TENM3: variants seen among roughly 807,000 people sequenced by gnomAD.
The protein encoded by TENM3 is teneurin transmembrane protein 3.
TENM3 carries 63 observed loss-of-function variants against 255.1 expected under a neutral mutation model. That is an observed-to-expected ratio of 0.25 (90% confidence interval 0.20 to 0.30). The LOEUF (loss-of-function observed/expected upper bound fraction) is 0.30. TENM3 is among the 10% of genes least tolerant of loss of function. The pLI, the probability that TENM3 is intolerant of heterozygous loss-of-function variation, is 1.00. For missense variants in TENM3, 2,929 were observed against 3,461.1 expected (o/e 0.85, Z 3.86); for synonymous variants, 1,306 against 1,322.3 (o/e 0.99, Z 0.27).
chr4:182,138,461 C>T, the TENM3 span, among the ~76,000 whole-genome samples: 19 of 152,326 alleles, frequency 1.2e-4, no homozygotes, highest in South Asian at 2.1e-4. Flanking sequence ...CTCTGCGCTT[C>T]AGTTGCAACA....
chr4:182,597,253 A>T (rs889528194), intron 3 of TENM3, among the ~76,000 whole-genome samples: 3 of 152,048 alleles, frequency 2.0e-5, no homozygotes, highest in South Asian at 2.1e-4. Flanking sequence ...ATTATATTTT[A>T]AAAAAATTAG....
chr4:181,457,049 G>A, the TENM3 span, among the ~76,000 whole-genome samples: 2 of 151,776 alleles, frequency 1.3e-5, no homozygotes, highest in Non-Finnish European at 2.9e-5. Flanking sequence ...GTCTCTAAAA[G>A]TATTGGAGTT....
intron 4 of TENM3, among the ~76,000 whole-genome samples, chr4:182,614,771 ACTTTCT>A (rs920175516): frequency 5.9e-5 from 9 of 152,014 alleles, no homozygotes; most frequent in African/African-American, 2.2e-4. Flanking sequence ...GAAAGAAAAC[ACTTTCT>A]CTTTAACTCT....
the TENM3 span, among the ~76,000 whole-genome samples, chr4:181,751,162 A>T: frequency 2.0e-5 from 3 of 152,110 alleles, no homozygotes; most frequent in Admixed American, 6.6e-5. Flanking sequence ...TATTTTGTTA[A>T]AATCTCCATG....
At chr4:181,620,797 G>T in the TENM3 span, among the ~76,000 whole-genome samples, 2 of 152,138 alleles carry the variant, frequency 1.3e-5, no homozygotes, top group African/African-American at 2.4e-5. Flanking sequence ...AGGAATGTGT[G>T]CCTGGGACAT....
At chr4:182,054,404 C>T in the TENM3 span, among the ~76,000 whole-genome samples, 1 of 152,240 alleles carries the variant, frequency 6.6e-6, no homozygotes, top group Non-Finnish European at 1.5e-5. Flanking sequence ...TTACGTGAAA[C>T]AAATAACTTG....
the TENM3 span, among the ~76,000 whole-genome samples, chr4:182,070,412 A>G: frequency 6.6e-6 from 1 of 152,192 alleles, no homozygotes; most frequent in Admixed American, 6.5e-5. Context: ...CGAGGTCGGG[A>G]GTTCAAGACC....
the TENM3 span, among the ~76,000 whole-genome samples, chr4:182,133,605 G>A: frequency 6.6e-6 from 1 of 152,010 alleles, no homozygotes; most frequent in East Asian, 1.9e-4. Context: ...AAAATACATA[G>A]AAAATGCCAT....
At chr4:181,538,628 A>G in the TENM3 span, among the ~76,000 whole-genome samples, 1 of 152,182 alleles carries the variant, frequency 6.6e-6, no homozygotes, top group South Asian at 2.1e-4. Context: ...GCAGGTGTCC[A>G]GAACTCCAGG....
intron 11 of TENM3, 111 bp downstream of exon 11, chr4:182,682,125 G>A: frequency 3.7e-6 from 3 of 814,306 alleles, no homozygotes; most frequent in Non-Finnish European, 5.8e-6. Context: ...TTAGTAAAGT[G>A]ATTCTTTATG....
intron 22 of TENM3, among the ~76,000 whole-genome samples, chr4:182,770,616 C>G (rs1462986965): frequency 3.3e-5 from 5 of 151,640 alleles, no homozygotes; most frequent in Non-Finnish European, 1.5e-5. Flanking sequence ...CTGGCCAGGT[C>G]CCCACCTGGG....
At chr4:182,272,382 G>A (rs1759701204) in intron 1 of TENM3, among the ~76,000 whole-genome samples, 1 of 152,160 alleles carries the variant, frequency 6.6e-6, no homozygotes, top group Admixed American at 6.5e-5. Flanking sequence ...TACAGGTTTA[G>A]ATATGGTGAT....
At chr4:182,286,761 C>T (rs1760755941) in intron 1 of TENM3, among the ~76,000 whole-genome samples, 1 of 152,154 alleles carries the variant, frequency 6.6e-6, no homozygotes, top group Admixed American at 6.5e-5. Context: ...CCCCTCTCAC[C>T]AGGACTATTA....
the TENM3 span, among the ~76,000 whole-genome samples, chr4:181,543,709 C>A: frequency 6.6e-6 from 1 of 152,190 alleles, no homozygotes; most frequent in Non-Finnish European, 1.5e-5. Flanking sequence ...CATTCTTCAA[C>A]CTGGCTCCCT....
the TENM3 span, among the ~76,000 whole-genome samples, chr4:181,483,730 G>A: frequency 6.6e-6 from 1 of 152,104 alleles, no homozygotes; most frequent in Non-Finnish European, 1.5e-5. Context: ...AGACCATGCA[G>A]TGGTATCAAT....
intron 1 of TENM3, among the ~76,000 whole-genome samples, chr4:182,311,569 G>A (rs67149299): frequency 0.14 from 21,768 of 152,184 alleles, 1,870 homozygotes; most frequent in Non-Finnish European, 0.19. Flanking sequence ...GACCTTGGAT[G>A]GGCCAGTGAA....
the TENM3 span, among the ~76,000 whole-genome samples, chr4:181,815,524 T>C: frequency 6.9e-6 from 1 of 145,902 alleles, no homozygotes; most frequent in African/African-American, 2.5e-5. Context: ...GAAAATGGTC[T>C]AATAGGTCCC....
At chr4:181,620,447 A>T in the TENM3 span, among the ~76,000 whole-genome samples, 1 of 152,090 alleles carries the variant, frequency 6.6e-6, no homozygotes, top group African/African-American at 2.4e-5. Flanking sequence ...TTCTCAGCCC[A>T]CAAATAATAT....
At chr4:182,033,019 T>G in the TENM3 span, among the ~76,000 whole-genome samples, 16 of 38,534 alleles carry the variant, frequency 4.2e-4, no homozygotes, top group African/African-American at 5.5e-4. Flanking sequence ...TTTTTGAAGG[T>G]TTTTTTTTGC....
Sources: gnomAD v4.1 joint callset for allele counts (sites outside exome capture counted in the v4.1 genomes callset) on GRCh38, gnomAD v4.1.1 for gene constraint, MANE v1.5 for transcripts, NCBI Gene and HGNC (gene_info 2026-07-23, HGNC 2026-07-21) for gene names.